Variants in MAP3K15 observed in about 807,000 individuals in gnomAD.
The protein encoded by MAP3K15 is mitogen-activated protein kinase kinase kinase 15.
Under a neutral mutation model 99.5 loss-of-function variants are expected in MAP3K15, and 124 were observed. The ratio of observed to expected loss-of-function variants is 1.25; its 90% CI spans 1.08 to 1.45. The LOEUF (loss-of-function observed/expected upper bound fraction) is 1.45, where lower values mean the gene tolerates loss of function less well. Among genes scored for constraint, MAP3K15 ranks in the 40% most tolerant of loss-of-function variants. MAP3K15 has a pLI of 0.00. For missense variants in MAP3K15, 1,242 were observed against 1,079.7 expected (o/e 1.15, Z -2.11); for synonymous variants, 494 against 439.6 (o/e 1.12, Z -1.55).
chrX:19,389,472 C>A (rs1454002981), intron 18 of MAP3K15, among the ~76,000 whole-genome samples: 1 of 111,251 alleles, frequency 9.0e-6, no homozygotes, highest in Non-Finnish European at 1.9e-5. Flanking sequence ...GCTGAGCAAC[C>A]ACAGACCCAG....
intron 3 of MAP3K15, among the ~76,000 whole-genome samples, chrX:19,473,925 T>C (rs2147377674): frequency 8.9e-6 from 1 of 112,412 alleles, no homozygotes. Flanking sequence ...TAAATATATA[T>C]AGGATACTTA....
chrX:19,398,096 T>C, intron 15 of MAP3K15, 130 bp downstream of exon 15: 1 of 728,675 alleles, frequency 1.4e-6, no homozygotes, highest in African/African-American at 2.2e-5. Context: ...TCACCCCTAT[T>C]ACAAGAGAAT....
rs772291077 is a variant in MAP3K15, at chrX:19,472,205, T to C, written c.526-7799A>G. On this transcript the variant is annotated intron_variant, in intron 3 of 28. Transcript: ENST00000338883. Reference sequence around the variant, plus strand: ...CGCCACAGCACTCCAGCCTGGGCCATAGAGCGAGACTCTGTCTCAAAAATA... The same window carrying C: ...CGCCACAGCACTCCAGCCTGGGCCACAGAGCGAGACTCTGTCTCAAAAATA... Among the ~76,000 whole-genome samples the C allele has an allele frequency of 1.3e-4, 14 of 108,144 alleles. No homozygotes were observed. The South Asian group carries it at 2.4e-3, about 18-fold the overall frequency. 93.9% of individuals were successfully genotyped at this position (108,144 alleles called of 115,157 possible).
intron 1 of MAP3K15, among the ~76,000 whole-genome samples, chrX:19,505,263 G>A (rs2064468537): frequency 1.8e-5 from 2 of 109,458 alleles, no homozygotes; most frequent in African/African-American, 6.7e-5. Context: ...GAACAGTAAT[G>A]ATTCGTGACA....
At chrX:19,469,104 C>A (rs193135032) in intron 3 of MAP3K15, among the ~76,000 whole-genome samples, 5 of 111,136 alleles carry the variant, frequency 4.5e-5, no homozygotes. Context: ...ATGCCCTAAG[C>A]CAAAAGAACA....
intron 4 of MAP3K15, 30 bp downstream of exon 4, chrX:19,464,183 C>T: frequency 8.7e-7 from 1 of 1,152,419 alleles, no homozygotes; most frequent in Non-Finnish European, 1.2e-6. Flanking sequence ...GGTGAGTCTC[C>T]AGGGGTTACT....
chrX:19,365,843 C>G (rs2147204616), intron 25 of MAP3K15, among the ~76,000 whole-genome samples: 1 of 108,994 alleles, frequency 9.2e-6, no homozygotes, highest in Admixed American at 9.9e-5. Context: ...CCCATCTCTA[C>G]TAAAAATACA....
At chrX:19,489,007 T>A in intron 1 of MAP3K15, 40 bp from the exon 2 acceptor site, 7 of 1,152,135 alleles carry the variant, frequency 6.1e-6, no homozygotes, top group Non-Finnish European at 8.2e-6. Flanking sequence ...GGGGAGATGA[T>A]CTGTCTACTT....
At chrX:19,368,841 G>GTTTTT (rs773761949) in intron 25 of MAP3K15, among the ~76,000 whole-genome samples, 6 of 94,088 alleles carry the variant, frequency 6.4e-5, no homozygotes, top group African/African-American at 1.9e-4. Context: ...CTGATTCTGA[G>GTTTTT]TTTTTTTTTT....
intron 25 of MAP3K15, among the ~76,000 whole-genome samples, chrX:19,367,723 A>ATTATT (rs2063344628): frequency 4.1e-5 from 1 of 24,139 alleles, no homozygotes; most frequent in African/African-American, 1.3e-4. Flanking sequence ...ATAACTATGG[A>ATTATT]TTTTTTTTTT....
chrX:19,372,963 C>T lies in MAP3K15; in HGVS notation c.2934-136G>A, dbSNP rs183865415. 1.1e-3 allele frequency: 580 copies of T among 546,442 alleles called. 2 individuals are homozygous for T. Among genetic ancestry groups the T allele is most frequent in the African/African-American group, 5.0e-3 (200 of 40,168 alleles). The allele number at this position is 546,442 out of a possible 1,213,427, so 45.0% of individuals were successfully genotyped here. A position where few individuals can be genotyped will look rare whatever the true frequency, so the allele number is the denominator to read the frequency against. On this transcript the variant is annotated intron_variant, in intron 21 of 28. Transcript: ENST00000338883. Reference sequence around the variant, plus strand: ...CCTGTGCTCAAGAAGATGAAATTGCCGGAGGAAGGACAGACATGCAGTGTT... The same window carrying T: ...CCTGTGCTCAAGAAGATGAAATTGCTGGAGGAAGGACAGACATGCAGTGTT...
At chrX:19,370,520 C>T (rs981662576) in intron 24 of MAP3K15, among the ~76,000 whole-genome samples, 8 of 111,271 alleles carry the variant, frequency 7.2e-5, no homozygotes, top group Non-Finnish European at 1.1e-4. Flanking sequence ...CTCAGCCTCC[C>T]GAGTAGCTGG....
chrX:19,502,452 CTCCCCT>C (rs748364509), intron 1 of MAP3K15, among the ~76,000 whole-genome samples: 6 of 111,241 alleles, frequency 5.4e-5, no homozygotes, highest in Admixed American at 1.9e-4. Flanking sequence ...CGTGCCTTGC[CTCCCCT>C]TCCCCTTCTG....
At chrX:19,489,965 G>A (rs889292726) in intron 1 of MAP3K15, among the ~76,000 whole-genome samples, 1 of 110,990 alleles carries the variant, frequency 9.0e-6, no homozygotes. Context: ...GTACCTGGGA[G>A]GCAGAGGTTG....
Position 19,460,774 on chromosome X carries a change from T to A in MAP3K15, c.720-621A>T, listed in dbSNP as rs752154940. Among the ~76,000 whole-genome samples the A allele has an allele frequency of 4.0e-4, 44 of 109,074 alleles. 2 individuals carry two copies. In the East Asian group the frequency reaches 5.7e-3, roughly 14 times the overall value. 94.7% of individuals were successfully genotyped at this position (109,074 alleles called of 115,157 possible). A position where few individuals can be genotyped will look rare whatever the true frequency, so the allele number is the denominator to read the frequency against. ...TTTTGTTTTTTTGTTTTTTTTTTTT[T>A]ATTTTTATTTATTTTTTTGAGACGG... On this transcript the variant is annotated intron_variant, in intron 4 of 28. Coordinates refer to ENST00000338883, the MANE Select transcript of MAP3K15 (RefSeq NM_001001671.4).
At chrX:19,398,838 T>C (rs1297263790) in intron 14 of MAP3K15, among the ~76,000 whole-genome samples, 1 of 111,648 alleles carries the variant, frequency 9.0e-6, no homozygotes, top group Admixed American at 9.6e-5. Context: ...CTTTCAGGCA[T>C]ACGGATCTAG....
chrX:19,456,640 T>A (rs1025326083), intron 6 of MAP3K15, among the ~76,000 whole-genome samples: 7 of 112,261 alleles, frequency 6.2e-5, no homozygotes, highest in African/African-American at 2.3e-4. Context: ...AAAAAAGAGA[T>A]GTGACCTCGT....
chrX:19,436,497 T>C (rs1458080793), intron 6 of MAP3K15, among the ~76,000 whole-genome samples: 3 of 111,376 alleles, frequency 2.7e-5, no homozygotes, highest in Non-Finnish European at 5.7e-5. Context: ...TCTTGGTAAC[T>C]ACCCTAGATC....
intron 4 of MAP3K15, 62 bp from the exon 5 acceptor site, chrX:19,460,215 G>A (rs367780335): frequency 2.5e-5 from 21 of 835,795 alleles, no homozygotes; most frequent in Admixed American, 2.5e-4. Context: ...ACTGTCTTGC[G>A]CCCAAAATGG....
Sources: allele counts gnomAD v4.1 joint callset (sites outside exome capture counted in the v4.1 genomes callset), GRCh38; gene constraint gnomAD v4.1.1; transcripts MANE v1.5; gene names NCBI Gene and HGNC (gene_info 2026-07-23, HGNC 2026-07-21).